Variants in RYR1 observed in about 807,000 individuals in gnomAD.
The protein encoded by RYR1 is central core disease of muscle.
In RYR1, 342 loss-of-function variants were observed where a neutral mutation model predicts 583.5. That is an observed-to-expected ratio of 0.59 (90% confidence interval 0.54 to 0.64). The LOEUF (loss-of-function observed/expected upper bound fraction) is 0.64. Among genes scored for constraint, RYR1 ranks in the 30% least tolerant of loss-of-function variants. The pLI is 0.00. For missense variants in RYR1, 6,032 were observed against 6,917.2 expected, an observed-to-expected ratio of 0.87 and a Z score of 4.54; for synonymous variants, 2,791 against 2,822.5, an observed-to-expected ratio of 0.99 and a Z score of 0.35.
intron 35 of RYR1, 32 bp from the exon 36 acceptor site, chr19:38,490,044 A>G (rs755929947): frequency 1.2e-6 from 2 of 1,609,632 alleles, no homozygotes; most frequent in African/African-American, 1.3e-5. Context: ...TCTCACCTCC[A>G]TCTCTCCTCC....
chr19:38,512,204 T>C lies in RYR1; in HGVS notation c.9234-41T>C. ...CACCCCAACCCCTGGTCTCCTAGAC[T>C]CTCCGATTCCAGAGCTGATGTTCCC... On this transcript the variant is annotated intron_variant, in intron 62 of 105. Coordinates refer to ENST00000359596, the MANE Select transcript of RYR1 (RefSeq NM_000540.3). The surrounding 1 kb of genome is among the most constrained non-coding windows in gnomAD (Gnocchi z 5.1). 1 of 1,613,938 alleles carries C rather than the reference T, an allele frequency of 6.2e-7. No homozygotes were observed. Among genetic ancestry groups the C allele is most frequent in the South Asian group, 1.1e-5 (1 of 91,078 alleles).
chr19:38,572,254 G>T lies in RYR1; in HGVS notation c.13982G>T (p.Gly4661Val). Reference sequence around the variant, plus strand: ...CTGGTGGCCTTTCTCTGCATCATTGGCTATAATTGTCTCAAGGTGGGCCCA... The same window carrying T: ...CTGGTGGCCTTTCTCTGCATCATTGTCTATAATTGTCTCAAGGTGGGCCCA... ...HTLVAFLCII[G>V]YNCLKVPLVI... The change falls in exon 95 of 106, where the codon GGC (glycine) becomes GTC (valine). Residue 4661 changes from glycine (G) to valine (V), a missense_variant. Physicochemically the swap from Gly to Val is moderately radical, Grantham distance 109. Around this residue, in one of 11 missense-constraint regions of RYR1, gnomAD observed 188 missense variants for 215.6 expected, o/e 0.87. Transcript: ENST00000359596. The T allele has an allele frequency of 6.8e-7, 1 of 1,469,886 alleles. No homozygotes were observed. The highest frequency in any genetic ancestry group is 9.2e-7 in the Non-Finnish European group (1 of 1,092,012). 91.1% of individuals were successfully genotyped at this position (1,469,886 alleles called of 1,614,324 possible).
rs1324400069 is a variant in RYR1, at chr19:38,490,282, C to G, written c.6015+6C>G. ...GCTCCCCACCCCAGGAACAGGTCAT[C>G]TGACCCCTGACGCTGGCCACTTTTA... On this transcript the variant is annotated splice_donor_region_variant and intron_variant, in intron 36 of 105. Transcript: ENST00000359596. The G allele has an allele frequency of 1.2e-6, 2 of 1,612,494 alleles. No homozygotes were observed. Among genetic ancestry groups the G allele is most frequent in the Non-Finnish European group, 1.7e-6 (2 of 1,179,372 alleles).
At chr19:38,474,204 G>A (rs1341946623) in intron 28 of RYR1, among the ~76,000 whole-genome samples, 1 of 152,140 alleles carries the variant, frequency 6.6e-6, no homozygotes. Context: ...TAACTTAAAG[G>A]GAGATTCTGA....
intron 89 of RYR1, among the ~76,000 whole-genome samples, chr19:38,550,841 C>T (rs993624860): frequency 6.6e-6 from 1 of 152,014 alleles, no homozygotes; most frequent in Non-Finnish European, 1.5e-5. Context: ...GGGTCATCAT[C>T]CATTGATGAT....
chr19:38,566,941 G>C lies in RYR1; in HGVS notation c.13468G>C (p.Glu4490Gln). ...VDGVEEELPP[E>Q]PEPEPEPELE... The stretch of plus-strand genomic sequence containing the variant: ...TGGAGTGGAGGAGGAGCTCCCGCCA[G>C]AGCCAGAGCCCGAGCCGGAACCAGA... The change falls in exon 92 of 106, where the codon GAG becomes CAG. Residue 4490 changes from glutamate to glutamine, a missense_variant. By Grantham distance (29) the Glu-to-Gln change is conservative (BLOSUM62 2). Coordinates refer to ENST00000359596, the MANE Select transcript of RYR1 (RefSeq NM_000540.3). 1 of 1,607,000 alleles carries C rather than the reference G, an allele frequency of 6.2e-7. No homozygotes were observed. The highest frequency in any genetic ancestry group is 2.2e-5 in the East Asian group (1 of 44,626).
At chr19:38,569,527 C>T (rs1198723821) in intron 93 of RYR1, among the ~76,000 whole-genome samples, 3 of 151,412 alleles carry the variant, frequency 2.0e-5, no homozygotes, top group Non-Finnish European at 2.9e-5. Context: ...TTCACTCCAA[C>T]CTGGGTGAGA....
At chr19:38,522,824 C>T (rs569913504) in intron 67 of RYR1, among the ~76,000 whole-genome samples, 1 of 151,994 alleles carries the variant, frequency 6.6e-6, no homozygotes, top group East Asian at 1.9e-4. Flanking sequence ...GTGTCGGGCC[C>T]CTGTAGTCCC....
intron 2 of RYR1, among the ~76,000 whole-genome samples, chr19:38,441,437 C>T (rs1472922035): frequency 4.8e-5 from 3 of 62,502 alleles, no homozygotes; most frequent in African/African-American, 6.6e-5. Context: ...GCCTGAGATG[C>T]GGAGGGCATC....
chr19:38,569,979 C>T (rs1050830407), intron 93 of RYR1, among the ~76,000 whole-genome samples: 2 of 152,164 alleles, frequency 1.3e-5, no homozygotes, highest in African/African-American at 4.8e-5. Context: ...GCCTGACCAA[C>T]ATGGTGAGAC....
rs1967496169 is a variant in RYR1 at position 38,457,774 on chromosome 19, C to T, written c.1925+144C>T. The stretch of plus-strand genomic sequence containing the variant: ...AGTCCTCACAGATGTCCACTGTGGC[C>T]CCACTCTCCCTTGGCATCCACTCCT... On this transcript the variant is annotated intron_variant, in intron 17 of 105. Transcript: ENST00000359596. 11 of 886,950 alleles carry T rather than the reference C, an allele frequency of 1.2e-5. No homozygotes were observed. The Admixed American group carries it at 2.0e-4, about 16-fold the overall frequency. The allele number at this position is 886,950 out of a possible 1,614,324, so 54.9% of individuals were successfully genotyped here.
rs764157984 is a variant in RYR1, at chr19:38,543,711, G to A, written c.11907+51G>A. ...GTGGGAAGGGAGGGGGTCCCGCATCGTGATCCCTGATCCCTTCTCGGGGAT... is the reference window on the plus strand; with the variant it reads ...GTGGGAAGGGAGGGGGTCCCGCATCATGATCCCTGATCCCTTCTCGGGGAT... On this transcript the variant is annotated intron_variant, in intron 86 of 105. Coordinates refer to ENST00000359596, the MANE Select transcript of RYR1 (RefSeq NM_000540.3). This position sits in a 1 kb window ranked among gnomAD's most constrained non-coding sequence, Gnocchi z 4.4. 1.1e-5 allele frequency: 18 copies of A among 1,611,454 alleles called. No homozygotes were observed. The South Asian group carries it at 1.4e-4, about 13-fold the overall frequency.
intron 89 of RYR1, among the ~76,000 whole-genome samples, chr19:38,558,806 A>T (rs1218216925): frequency 6.6e-6 from 1 of 151,072 alleles, no homozygotes; most frequent in Non-Finnish European, 1.5e-5. Flanking sequence ...TTTTAAAAAA[A>T]TAGTCCAGGT....
Position 38,473,610 on chromosome 19 carries a change from C to A in RYR1, c.3999C>A (p.Asn1333Lys). 1 of 1,572,042 alleles carries A rather than the reference C, an allele frequency of 6.4e-7. No homozygotes were observed. Reference protein sequence around the residue: ...RAAEPDPDYENLRRSAGGWSE... With the variant: ...RAAEPDPDYEKLRRSAGGWSE... The stretch of plus-strand genomic sequence containing the variant: ...CGGAACCCGACCCTGACTACGAAAA[C>A]CTGCGCCGCTCAGCTGGGGGCTGGA... The change falls in exon 28 of 106, where the codon AAC (asparagine) becomes AAA (lysine). Residue 1333 changes from asparagine (N) to lysine (K), a missense_variant. Transcript: ENST00000359596.
At position 38,586,176 on chromosome 19, in the gene RYR1, A is replaced by T. The variant is rs750477516; in HGVS notation, c.14954A>T (p.Asn4985Ile). Residue 4985 changes from asparagine (N) to isoleucine (I), a missense_variant, in exon 104 of 106, where the codon AAC becomes ATC. This residue lies in a region of RYR1 where 189 missense variants were observed against 350.3 expected (regional missense o/e 0.54). Transcript: ENST00000359596. ...GFETHTLEEH[N>I]LANYMFFLMY... ...GAGACTCACACGCTGGAGGAGCACA[A>T]CCTGGCCAATTACATGTGAGCAGAC... 1 of 1,613,886 alleles carries T rather than the reference A, an allele frequency of 6.2e-7. No individual in the cohort carries two copies. The highest frequency in any genetic ancestry group is 8.5e-7 in the Non-Finnish European group (1 of 1,180,000).
intron 27 of RYR1, among the ~76,000 whole-genome samples, chr19:38,472,446 G>A (rs1230939905): frequency 1.3e-5 from 2 of 152,142 alleles, no homozygotes; most frequent in Non-Finnish European, 2.9e-5. Flanking sequence ...TTGCTCATCA[G>A]TTACAGAGTC....
intron 11 of RYR1, among the ~76,000 whole-genome samples, chr19:38,450,952 ACT>A (rs1967044287): frequency 6.6e-6 from 1 of 152,142 alleles, no homozygotes. Context: ...TAGAAAGGAA[ACT>A]CTGCCGAGGA....
intron 49 of RYR1, among the ~76,000 whole-genome samples, chr19:38,503,908 C>T (rs541003209): frequency 5.3e-5 from 8 of 152,230 alleles, no homozygotes; most frequent in African/African-American, 1.9e-4. Context: ...TCCATATGCC[C>T]ATTTACTCAC....
chr19:38,543,772 G>A lies in RYR1; in HGVS notation c.11909G>A (p.Gly3970Asp). The change falls in exon 87 of 106, where the codon GGT (glycine) becomes GAT (aspartate). Residue 3970 changes from glycine (G) to aspartate (D), a missense_variant and splice_region_variant. Physicochemically the swap from Gly to Asp is moderately conservative, Grantham distance 94. Coordinates refer to ENST00000359596, the MANE Select transcript of RYR1 (RefSeq NM_000540.3). The surrounding 1 kb of genome is among the most constrained non-coding windows in gnomAD (Gnocchi z 4.4). ...VFNSLTEYIQ[G>D]PCTGNQQSLA... ...CCCACACGGCACTCTGCCTCCCAGGGTCCCTGCACCGGGAACCAGCAGAGC... is the reference window on the plus strand; with the variant it reads ...CCCACACGGCACTCTGCCTCCCAGGATCCCTGCACCGGGAACCAGCAGAGC... 1 of 1,612,956 alleles carries A rather than the reference G, an allele frequency of 6.2e-7. No individual in the cohort carries two copies. The highest frequency in any genetic ancestry group is 8.5e-7 in the Non-Finnish European group (1 of 1,180,006).
Sources: gnomAD v4.1 joint callset for allele counts (sites outside exome capture counted in the v4.1 genomes callset) on GRCh38, gnomAD v4.1.1 for gene constraint, gnomAD v4.1.1 regional missense constraint, Gnocchi (gnomAD v3.1) non-coding constraint, MANE v1.5 for transcripts, NCBI Gene and HGNC (gene_info 2026-07-23, HGNC 2026-07-21) for gene names.